GAS5: variants seen among roughly 807,000 people sequenced by gnomAD.
GAS5 encodes the protein growth arrest specific 5 (non-protein coding).
rs937818962 is a variant in GAS5, at chr1:173,863,907, G to T, written n.324+350C>A. 3.8e-5 allele frequency: 10 copies of T among 261,790 alleles called. 1 individual carries two copies. The highest frequency in any genetic ancestry group is 1.4e-4 in the Admixed American group (3 of 21,154). 16.2% of individuals were successfully genotyped at this position (261,790 alleles called of 1,614,324 possible). ...AAACACTACACACTCCAGATGGATT[G>T]CAAAAATTTATTAAAATTGGAGACA... On this transcript the variant is annotated intron_variant and non_coding_transcript_variant, in intron 7 of 7. Coordinates refer to ENST00000651080, the Ensembl canonical transcript of GAS5.
chr1:173,867,279 G>T (rs974558060), upstream of GAS5: 3 of 493,356 alleles, frequency 6.1e-6, no homozygotes, highest in Admixed American at 3.7e-5. Context: ...CAGTATGTTG[G>T]GGGACCACGG....
At chr1:173,867,465 T>C (rs185038991), upstream of GAS5, 478 of 359,452 alleles carry the variant, frequency 1.3e-3, 2 homozygotes, top group African/African-American at 9.2e-3. Context: ...TTAACCGATG[T>C]CGAGCCACTG....
intron 3 of GAS5, chr1:173,866,313 CAGAT>C (rs1470747487): frequency 1.9e-6 from 1 of 518,268 alleles, no homozygotes; most frequent in African/African-American, 1.9e-5. Flanking sequence ...ATACATCAGA[CAGAT>C]AGTACATCTC....
intron 4 of GAS5, chr1:173,866,111 A>G: frequency 2.0e-6 from 1 of 508,678 alleles, no homozygotes; most frequent in East Asian, 5.5e-5. Context: ...GGAGGTAACT[A>G]AAAAGCCATT....
At chr1:173,868,042 A>G, upstream of GAS5, 1 of 175,154 alleles carries the variant, frequency 5.7e-6, no homozygotes, top group Non-Finnish European at 1.2e-5. Context: ...TGACGTCACG[A>G]CGCACGCTCC....
At chr1:173,864,266 A>G (rs1178386612) in exon 7 of GAS5, 1 of 513,476 alleles carries the variant, frequency 1.9e-6, no homozygotes, top group Non-Finnish European at 3.9e-6. Context: ...CCTTTCAAGC[A>G]GTAAGCTGCA....
At chr1:173,867,531 C>G (rs1654955452), upstream of GAS5, 1 of 409,170 alleles carries the variant, frequency 2.4e-6, no homozygotes, top group African/African-American at 2.1e-5. Context: ...AAAAGAAACA[C>G]TAATGGAAAT....
At chr1:173,866,410 T>C (rs757370432) in intron 3 of GAS5, 1 of 566,620 alleles carries the variant, frequency 1.8e-6, no homozygotes, top group Non-Finnish European at 3.4e-6. Flanking sequence ...AGTATCAATA[T>C]GAGAGCAAAA....
intron 3 of GAS5, chr1:173,866,506 G>A (rs1557872870): frequency 1.5e-6 from 1 of 679,980 alleles, no homozygotes; most frequent in Non-Finnish European, 2.7e-6. Context: ...AAAGTGAGAA[G>A]TACAAAATAG....
intron 3 of GAS5, chr1:173,866,375 TCA>T (rs1181715854): frequency 1.9e-6 from 1 of 536,080 alleles, no homozygotes; most frequent in Admixed American, 1.9e-5. Context: ...GTATCTGTTT[TCA>T]CATTTTCTTC....
intron 3 of GAS5, chr1:173,866,246 A>T (rs1445101099): frequency 1.4e-5 from 7 of 487,624 alleles, no homozygotes; most frequent in Non-Finnish European, 2.5e-5. Flanking sequence ...AAAATATTTT[A>T]ATGGTAGATT....
chr1:173,864,243 T>A (rs770093049), intron 7 of GAS5: 1 of 515,094 alleles, frequency 1.9e-6, no homozygotes, highest in Non-Finnish European at 3.9e-6. Context: ...AGTCCCAACA[T>A]TTCCAATCCT....
intron 6 of GAS5, chr1:173,865,443 T>C (rs1374847349): frequency 3.9e-6 from 2 of 513,580 alleles, no homozygotes; most frequent in Non-Finnish European, 7.8e-6. Context: ...GCTCAATCAA[T>C]TAACGTTAAC....
exon 6 of GAS5, chr1:173,865,488 G>C: frequency 2.0e-6 from 1 of 507,536 alleles, no homozygotes; most frequent in Non-Finnish European, 3.9e-6. Flanking sequence ...AGGTATGACA[G>C]GAACTGTCTT....
chr1:173,866,227 T>A, intron 3 of GAS5: 2 of 485,982 alleles, frequency 4.1e-6, no homozygotes, highest in Non-Finnish European at 8.3e-6. Flanking sequence ...AATACAAAAT[T>A]GTCAGCAAAA....
Position 173,864,298 on chromosome 1 carries a change from A to G in GAS5, n.283T>C, listed in dbSNP as rs989451495. On this transcript the variant is annotated non_coding_transcript_exon_variant, in exon 7 of 8. Transcript: ENST00000651080. ...TGCATGCTTGCTTGTTGTGGTCATT[A>G]AAAACCCTGAAAGCGAAGCCAACAT... 7.8e-6 allele frequency: 4 copies of G among 513,046 alleles called. No individual in the cohort carries two copies. The East Asian group carries it at 2.2e-4, about 28-fold the overall frequency. 31.8% of individuals were successfully genotyped at this position (513,046 alleles called of 1,614,324 possible).
chr1:173,864,653 T>A (rs560745123), intron 6 of GAS5: 1 of 396,326 alleles, frequency 2.5e-6, no homozygotes, highest in East Asian at 7.2e-5. Flanking sequence ...CCTTAAAAAT[T>A]TCCTTCAAAG....
chr1:173,865,591 T>A (rs574090474), intron 5 of GAS5: 40 of 519,200 alleles, frequency 7.7e-5, no homozygotes, highest in South Asian at 5.3e-4. Flanking sequence ...TAAACATCAT[T>A]AAACTCTTTT....
At chr1:173,868,002 C>G, upstream of GAS5, 1 of 319,108 alleles carries the variant, frequency 3.1e-6, no homozygotes, top group Admixed American at 3.9e-5. Context: ...AGTATGGTGC[C>G]TGGGCTCCTG....
Sources: allele counts gnomAD v4.1 joint callset, GRCh38; gene constraint gnomAD v4.1.1; transcripts MANE v1.5; gene names NCBI Gene and HGNC (gene_info 2026-07-23, HGNC 2026-07-21).